TRAPPC13: variants seen among roughly 807,000 people sequenced by gnomAD.
The protein encoded by TRAPPC13 is REV7-interacting novel NHEJ regulator 1.
Under a neutral mutation model 54.0 loss-of-function variants are expected in TRAPPC13, and 39 were observed. The ratio of observed to expected loss-of-function variants is 0.72; its 90% confidence interval spans 0.56 to 0.94. The LOEUF is 0.94. Ranked by LOEUF, TRAPPC13 falls within the 40% of genes least tolerant of loss-of-function variation. The pLI is 0.00. For synonymous variants in TRAPPC13, 148 were observed against 167.7 expected (o/e 0.88, Z 0.91); for missense variants, 386 against 488.1 (o/e 0.79, Z 1.97).
chr5:65,635,724 C>G (rs1755721763), intron 2 of TRAPPC13, among the ~76,000 whole-genome samples: 1 of 151,872 alleles, frequency 6.6e-6, no homozygotes, highest in South Asian at 2.1e-4. Context: ...TTTTCTATCT[C>G]ATGACGTACA....
chr5:65,627,212 CT>C (rs1370293626), intron 1 of TRAPPC13, among the ~76,000 whole-genome samples: 3 of 146,886 alleles, frequency 2.0e-5, no homozygotes, highest in Non-Finnish European at 3.0e-5. Context: ...ATAGTTTCAA[CT>C]TTATTAAACC....
intron 1 of TRAPPC13, among the ~76,000 whole-genome samples, chr5:65,627,640 A>T (rs1581203393): frequency 6.6e-6 from 1 of 151,404 alleles, no homozygotes; most frequent in African/African-American, 2.4e-5. Flanking sequence ...AAAAAAAAAA[A>T]GTCATCCCTT....
intron 1 of TRAPPC13, among the ~76,000 whole-genome samples, chr5:65,627,269 C>T (rs973670074): frequency 1.3e-5 from 2 of 151,144 alleles, no homozygotes; most frequent in Admixed American, 6.6e-5. Context: ...AGTTAATCAA[C>T]AATTTTCACA....
chr5:65,636,128 C>T (rs895035944), intron 3 of TRAPPC13, 85 bp downstream of exon 3: 11 of 855,090 alleles, frequency 1.3e-5, no homozygotes, highest in Non-Finnish European at 1.8e-5. Flanking sequence ...TGGGGAAATG[C>T]TCATGATACA....
rs867194204 is a variant in TRAPPC13 at position 65,625,080 on chromosome 5, AACAGGAGC to A, written c.23_30del (p.Gln8ProfsTer11). 1 of 1,613,794 alleles carries A rather than the reference AACAGGAGC, an allele frequency of 6.2e-7. No homozygotes were observed. Among genetic ancestry groups the A allele is most frequent in the Non-Finnish European group, 8.5e-7 (1 of 1,179,754 alleles). ...GTCAAAATGGAAGTGAATCCCCCTA[AACAGGAGC>A]ACCTGCTGGCGCTAAAAGGTAAACT... On this transcript the variant is annotated frameshift_variant, in exon 1 of 13. Coordinates refer to ENST00000399438, the MANE Select transcript of TRAPPC13 (RefSeq NM_024941.4). LOFTEE classifies it high-confidence loss of function.
chr5:65,644,246 A>G (rs1291850827), intron 4 of TRAPPC13, among the ~76,000 whole-genome samples: 4 of 151,922 alleles, frequency 2.6e-5, no homozygotes, highest in African/African-American at 9.7e-5. Flanking sequence ...CCCTTTCAAT[A>G]TGGGTCTGCA....
intron 3 of TRAPPC13, 63 bp from the exon 4 acceptor site, chr5:65,637,630 CAAA>C (rs374091978): frequency 2.2e-3 from 1,487 of 679,320 alleles, no homozygotes; most frequent in Admixed American, 3.8e-3. Context: ...GACTCTGTCT[CAAA>C]AAAAAAAAAA....
chr5:65,639,754 A>T (rs774678058), intron 4 of TRAPPC13, among the ~76,000 whole-genome samples: 8 of 152,248 alleles, frequency 5.3e-5, no homozygotes, highest in Admixed American at 2.0e-4. Context: ...TTTGTAGAAA[A>T]TGGAACAGTT....
At chr5:65,643,221 C>T (rs1408906862) in intron 4 of TRAPPC13, among the ~76,000 whole-genome samples, 9 of 151,514 alleles carry the variant, frequency 5.9e-5, no homozygotes, top group South Asian at 2.1e-4. Flanking sequence ...TTCCAATCAG[C>T]GTTGTTCTTG....
intron 1 of TRAPPC13, among the ~76,000 whole-genome samples, chr5:65,633,863 A>G (rs1476106069): frequency 6.7e-6 from 1 of 149,288 alleles, no homozygotes; most frequent in East Asian, 2.0e-4. Flanking sequence ...ATAGCTAACC[A>G]TGTCTTTGCA....
chr5:65,644,078 A>G (rs903739806), intron 4 of TRAPPC13, among the ~76,000 whole-genome samples: 7 of 152,060 alleles, frequency 4.6e-5, no homozygotes, highest in Non-Finnish European at 8.8e-5. Context: ...CTACTCCTTT[A>G]TTGCTCAGCT....
At chr5:65,660,431 TAA>T (rs368672182) in intron 9 of TRAPPC13, among the ~76,000 whole-genome samples, 2 of 139,916 alleles carry the variant, frequency 1.4e-5, no homozygotes, top group Non-Finnish European at 1.6e-5. Context: ...TAAAATTATT[TAA>T]AAAAAAAAAA....
At chr5:65,655,919 T>A (rs1459848324) in intron 8 of TRAPPC13, among the ~76,000 whole-genome samples, 4 of 150,580 alleles carry the variant, frequency 2.7e-5, no homozygotes, top group Non-Finnish European at 4.4e-5. Context: ...ATTTTTTTTT[T>A]AAAGAGGTAT....
chr5:65,638,673 A>G (rs1244760760), intron 4 of TRAPPC13, among the ~76,000 whole-genome samples: 2 of 152,218 alleles, frequency 1.3e-5, no homozygotes, highest in East Asian at 3.8e-4. Context: ...ATGGACTTAT[A>G]GTTCCACGTA....
At chr5:65,643,820 A>C (rs1756076437) in intron 4 of TRAPPC13, among the ~76,000 whole-genome samples, 1 of 110,536 alleles carries the variant, frequency 9.0e-6, no homozygotes, top group Non-Finnish European at 2.0e-5. Flanking sequence ...CCGTCTCAGA[A>C]AAAAAAAAAA....
At chr5:65,651,903 G>A (rs540388265) in intron 6 of TRAPPC13, among the ~76,000 whole-genome samples, 90 of 116,700 alleles carry the variant, frequency 7.7e-4, no homozygotes, top group African/African-American at 2.9e-3. Context: ...CACTCTTGTC[G>A]CCTAGGCTGG....
At chr5:65,626,708 C>T (rs767811384) in intron 1 of TRAPPC13, among the ~76,000 whole-genome samples, 2 of 152,040 alleles carry the variant, frequency 1.3e-5, no homozygotes, top group Admixed American at 6.5e-5. Flanking sequence ...TGCACGCCAT[C>T]CTAGGCAACA....
In TRAPPC13 at chr5:65,635,686, A is replaced by T. The variant is rs37343; in HGVS notation, c.116-258A>T. 0.59 allele frequency among the ~76,000 whole-genome samples: 89,014 copies of T among 150,228 alleles called. 26,562 individuals are homozygous for T. Among genetic ancestry groups the T allele is most frequent in the South Asian group, 0.64 (3,058 of 4,754 alleles). On this transcript the variant is annotated intron_variant, in intron 2 of 12. Transcript: ENST00000399438. The stretch of plus-strand genomic sequence containing the variant: ...TGTATTAGCATTCCCTTTTTTTTTT[A>T]AGAATTATTGGGGCTTTCTCTAGTA...
At chr5:65,651,571 T>C (rs1756435639) in intron 6 of TRAPPC13, among the ~76,000 whole-genome samples, 1 of 151,600 alleles carries the variant, frequency 6.6e-6, no homozygotes, top group Non-Finnish European at 1.5e-5. Flanking sequence ...GAACTTTAAG[T>C]TGAGTTTTGT....
Sources: allele counts gnomAD v4.1 joint callset (sites outside exome capture counted in the v4.1 genomes callset), GRCh38; gene constraint gnomAD v4.1.1; transcripts MANE v1.5; gene names NCBI Gene and HGNC (gene_info 2026-07-23, HGNC 2026-07-21).